Variants in PCDHA8 observed in about 807,000 individuals in gnomAD.
PCDHA8 encodes protocadherin alpha 8.
Under a neutral mutation model 61.8 loss-of-function variants are expected in PCDHA8, and 53 were observed. The observed-to-expected ratio is 0.86, with a 90% confidence interval of 0.69 to 1.08. The LOEUF (loss-of-function observed/expected upper bound fraction) is 1.08, where lower values mean the gene tolerates loss of function less well. Ranked by LOEUF, PCDHA8 falls within the 50% of genes least tolerant of loss-of-function variation. The probability of loss-of-function intolerance (pLI) is 0.00; values close to 1 mark genes in which losing one functional copy is unlikely to be tolerated. For synonymous variants in PCDHA8, 618 were observed against 556.6 expected, an observed-to-expected ratio of 1.11 and a Z score of -1.55; for missense variants, 1,293 against 1,245.0, an observed-to-expected ratio of 1.04 and a Z score of -0.58.
chr5:140,842,551 C>CACCAACTG lies in PCDHA8; in HGVS notation c.1231_1232insCCAACTGA (p.Ser411ThrfsTer3). 6.3e-7 allele frequency: 1 copy of CACCAACTG among 1,596,422 alleles called. No individual in the cohort carries two copies. Among genetic ancestry groups the CACCAACTG allele is most frequent in the Non-Finnish European group, 8.6e-7 (1 of 1,165,824 alleles). On this transcript the variant is annotated frameshift_variant, in exon 1 of 4. Coordinates refer to ENST00000531613, the MANE Select transcript of PCDHA8 (RefSeq NM_018911.3). LOFTEE classifies it high-confidence loss of function. ...AGAATTACTACTCGTTGGTGCTGGA[C>CACCAACTG]AGCGCCCTGGACCGCGAGAGAGTGT...
At chr5:140,860,559 A>G (rs2046453959) in intron 1 of PCDHA8, 1 of 152,222 alleles carries the variant, frequency 6.6e-6, no homozygotes, top group African/African-American at 2.4e-5. Flanking sequence ...TTGAAGAGGT[A>G]CTGATCATAC....
chr5:140,936,448 T>A (rs1477787930), intron 1 of PCDHA8, among the ~76,000 whole-genome samples: 1 of 152,210 alleles, frequency 6.6e-6, no homozygotes, highest in Non-Finnish European at 1.5e-5. Context: ...AATAACCACA[T>A]CTGTTTAGTG....
intron 1 of PCDHA8, chr5:140,870,636 G>C (rs2153249494): frequency 6.2e-7 from 1 of 1,612,910 alleles, no homozygotes; most frequent in Non-Finnish European, 8.5e-7. Context: ...CGGTGCACGC[G>C]GAGAGCGGCA....
intron 1 of PCDHA8, among the ~76,000 whole-genome samples, chr5:140,898,903 C>T (rs1323359632): frequency 6.6e-6 from 1 of 152,100 alleles, no homozygotes; most frequent in Non-Finnish European, 1.5e-5. Context: ...AGAGGTCCTT[C>T]ACGTCCCTTG....
intron 1 of PCDHA8, chr5:140,884,087 CT>C (rs782425411): frequency 6.2e-7 from 1 of 1,613,564 alleles, no homozygotes; most frequent in South Asian, 1.1e-5. Context: ...CAATGCGTGG[CT>C]TTCGTATGAA....
intron 1 of PCDHA8, among the ~76,000 whole-genome samples, chr5:140,908,279 G>T (rs2073895272): frequency 6.6e-6 from 1 of 151,782 alleles, no homozygotes; most frequent in South Asian, 2.1e-4. Flanking sequence ...TGAGGCCATT[G>T]TTGCAAGCTG....
chr5:140,853,458 T>TA lies in PCDHA8; in HGVS notation c.2394+9744dup. 7 of 974,486 alleles carry TA rather than the reference T, an allele frequency of 7.2e-6. 1 individual carries two copies. Among genetic ancestry groups the TA allele is most frequent in the Non-Finnish European group, 8.7e-6 (7 of 807,370 alleles). The allele number at this position is 974,486 out of a possible 1,614,324, so 60.4% of individuals were successfully genotyped here. ...CTATTTTGCCTAATAGGTCTCCTTA[T>TA]ATGCATCTGTAGTTAACATTCCTCA... On this transcript the variant is annotated intron_variant, in intron 1 of 3. Coordinates refer to ENST00000531613, the MANE Select transcript of PCDHA8 (RefSeq NM_018911.3).
At chr5:140,869,226 C>T (rs1428940405) in intron 1 of PCDHA8, 5 of 1,613,644 alleles carry the variant, frequency 3.1e-6, no homozygotes, top group African/African-American at 1.3e-5. Context: ...AGGCCAAACA[C>T]GGCACCTTCG....
chr5:140,999,056 C>T (rs1256829495), intron 3 of PCDHA8, among the ~76,000 whole-genome samples: 4 of 152,212 alleles, frequency 2.6e-5, no homozygotes, highest in Non-Finnish European at 5.9e-5. Context: ...TCCACCATGC[C>T]TAAGTAGTCT....
intron 1 of PCDHA8, among the ~76,000 whole-genome samples, chr5:140,971,186 G>T (rs1052745272): frequency 1.8e-4 from 28 of 152,258 alleles, no homozygotes; most frequent in African/African-American, 6.7e-4. Context: ...TAAGCCGGAA[G>T]CTCAGAGGAA....
At chr5:140,855,892 G>T (rs1227119052) in intron 1 of PCDHA8, 2 of 1,011,396 alleles carry the variant, frequency 2.0e-6, no homozygotes, top group Non-Finnish European at 1.4e-6. Flanking sequence ...TAGAACAAAG[G>T]CATCAGCCAG....
intron 3 of PCDHA8, among the ~76,000 whole-genome samples, chr5:140,985,873 G>C (rs1210347898): frequency 1.3e-5 from 2 of 151,280 alleles, no homozygotes; most frequent in Non-Finnish European, 2.9e-5. Flanking sequence ...CTGAGTAGCT[G>C]GGACTACAGG....
chr5:140,888,233 C>T (rs544193607), intron 1 of PCDHA8, among the ~76,000 whole-genome samples: 6 of 152,142 alleles, frequency 3.9e-5, no homozygotes, highest in South Asian at 4.1e-4. Flanking sequence ...CATGTGTGTG[C>T]GTGTTCCTTT....
Position 140,841,845 on chromosome 5 carries a change from A to G in PCDHA8, c.524A>G (p.His175Arg). 6.2e-7 allele frequency: 1 copy of G among 1,613,930 alleles called. No individual in the cohort carries two copies. Among genetic ancestry groups the G allele is most frequent in the Non-Finnish European group, 8.5e-7 (1 of 1,179,856 alleles). ...NSVLTYRLSS[H>R]DYFMLDVNSK... The stretch of plus-strand genomic sequence containing the variant: ...GTGTTAACCTACAGGCTTAGCTCTC[A>G]TGATTACTTCATGCTAGATGTGAAT... The change falls in exon 1 of 4, where the codon CAT (histidine) becomes CGT (arginine). Residue 175 changes from histidine to arginine, a missense_variant. By Grantham distance (29) the His-to-Arg change is conservative. Coordinates refer to ENST00000531613, the MANE Select transcript of PCDHA8 (RefSeq NM_018911.3).
chr5:140,959,060 T>C (rs1201389008), intron 1 of PCDHA8, among the ~76,000 whole-genome samples: 1 of 152,138 alleles, frequency 6.6e-6, no homozygotes, highest in Admixed American at 6.5e-5. Context: ...AAATGCAGTA[T>C]ATATAGAATT....
chr5:141,001,792 T>C (rs1442216091), intron 3 of PCDHA8, among the ~76,000 whole-genome samples: 3 of 152,192 alleles, frequency 2.0e-5, no homozygotes, highest in African/African-American at 7.2e-5. Context: ...AGCCTGAGTA[T>C]ATACTATCAT....
intron 3 of PCDHA8, among the ~76,000 whole-genome samples, chr5:141,004,051 A>G (rs2098149842): frequency 6.6e-6 from 1 of 152,240 alleles, no homozygotes; most frequent in East Asian, 1.9e-4. Flanking sequence ...ATTTGCTGAT[A>G]CTGGCCCCTG....
rs2150483646 is a variant in PCDHA8 at position 140,850,423 on chromosome 5, C to G, written c.2394+6708C>G. ...CGTGCCCTGGACGAAACGGACGCAC[C>G]GCGCCAGCGCCTACTGGTGCTGGTG... is the stretch of plus-strand genomic sequence containing the variant. On this transcript the variant is annotated intron_variant, in intron 1 of 3. Transcript: ENST00000531613. 10 of 1,597,882 alleles carry G rather than the reference C, an allele frequency of 6.3e-6. 2 individuals are homozygous for G. Among genetic ancestry groups the G allele is most frequent in the Non-Finnish European group, 7.7e-6 (9 of 1,167,708 alleles).
intron 1 of PCDHA8, among the ~76,000 whole-genome samples, chr5:140,893,672 T>G (rs1554185735): frequency 6.6e-6 from 1 of 152,216 alleles, no homozygotes; most frequent in African/African-American, 2.4e-5. Flanking sequence ...ATTTCAGCAC[T>G]TTGGATATAT....
Sources: allele counts gnomAD v4.1 joint callset (sites outside exome capture counted in the v4.1 genomes callset), GRCh38; gene constraint gnomAD v4.1.1; transcripts MANE v1.5; gene names NCBI Gene and HGNC (gene_info 2026-07-23, HGNC 2026-07-21).